Variants in WDPCP observed in about 807,000 individuals in gnomAD.
WDPCP encodes the protein WD repeat-containing and planar cell polarity effector protein fritz homolog.
In WDPCP, 71 loss-of-function variants were observed where a neutral mutation model predicts 93.1. That is an observed-to-expected ratio of 0.76 (90% confidence interval 0.63 to 0.93). The LOEUF (loss-of-function observed/expected upper bound fraction) is 0.93, where lower values mean the gene tolerates loss of function less well. Ranked by LOEUF, WDPCP falls within the 40% of genes least tolerant of loss-of-function variation. WDPCP has a pLI of 0.00. For synonymous variants in WDPCP, 315 were observed against 315.0 expected, an observed-to-expected ratio of 1.00 and a Z score of 0.00; for missense variants, 844 against 887.4, an observed-to-expected ratio of 0.95 and a Z score of 0.62.
At chr2:63,411,550 T>C (rs1695024782) in intron 9 of WDPCP, among the ~76,000 whole-genome samples, 1 of 151,854 alleles carries the variant, frequency 6.6e-6, no homozygotes, top group African/African-American at 2.4e-5. Context: ...CTAAATGAAA[T>C]TGAAACAAAC....
chr2:63,694,158 G>C (rs1558886007), intron 2 of WDPCP, among the ~76,000 whole-genome samples: 1 of 152,130 alleles, frequency 6.6e-6, no homozygotes. Context: ...TATAGAAAAA[G>C]AGTTAATCAG....
At chr2:63,536,773 C>CTTTTTTTTTTTTTTTT (rs58661370) in intron 1 of WDPCP, among the ~76,000 whole-genome samples, 1 of 93,636 alleles carries the variant, frequency 1.1e-5, no homozygotes, top group African/African-American at 4.5e-5. Flanking sequence ...ATTCTTCATG[C>CTTTTTTTTTTTTTTTT]TTTTTTTTTT....
intron 15 of WDPCP, among the ~76,000 whole-genome samples, chr2:63,174,224 T>A (rs915182477): frequency 6.6e-6 from 1 of 152,158 alleles, no homozygotes; most frequent in Admixed American, 6.5e-5. Flanking sequence ...TTATTCTTTA[T>A]CTTCTCAATA....
intron 11 of WDPCP, among the ~76,000 whole-genome samples, chr2:63,379,656 G>T (rs1692139144): frequency 6.6e-6 from 1 of 152,142 alleles, no homozygotes; most frequent in Non-Finnish European, 1.5e-5. Flanking sequence ...CACAGCTGTA[G>T]ATTCATTAGA....
At chr2:63,369,583 T>G (rs538751888) in intron 12 of WDPCP, 2 of 448,688 alleles carry the variant, frequency 4.5e-6, no homozygotes, top group Admixed American at 4.9e-5. Flanking sequence ...ACATCCCAAA[T>G]GAAAAAAATA....
chr2:63,378,565 CAA>C, intron 11 of WDPCP, 56 bp from the exon 12 acceptor site: 1 of 1,610,336 alleles, frequency 6.2e-7, no homozygotes, highest in Non-Finnish European at 8.5e-7. Flanking sequence ...TCAATTACAA[CAA>C]AATACTCATG....
chr2:63,533,093 A>G lies in WDPCP; in HGVS notation c.76-40153T>C, dbSNP rs148460548. Among the ~76,000 whole-genome samples, 4 of 152,322 alleles carry G rather than the reference A, an allele frequency of 2.6e-5. No individual in the cohort carries two copies. The East Asian group carries it at 7.7e-4, about 29-fold the overall frequency. On this transcript the variant is annotated intron_variant, in intron 1 of 17. Transcript: ENST00000272321. ...TGATAAAACAGACTTTAAGCCAACA[A>G]AGATCAAAAGAGACAAAGAAGGGCA...
intron 1 of WDPCP, among the ~76,000 whole-genome samples, chr2:63,570,334 T>C (rs1707385221): frequency 6.6e-6 from 1 of 152,192 alleles, no homozygotes; most frequent in South Asian, 2.1e-4. Flanking sequence ...CGCAGAGAAT[T>C]TTTATGAACT....
intron 12 of WDPCP, among the ~76,000 whole-genome samples, chr2:63,356,491 A>G (rs1690030272): frequency 6.6e-6 from 1 of 152,244 alleles, no homozygotes; most frequent in Admixed American, 6.5e-5. Flanking sequence ...TTTCATTGCC[A>G]TGTGGCACAT....
intron 1 of WDPCP, among the ~76,000 whole-genome samples, chr2:63,544,722 T>G (rs953619470): frequency 1.3e-5 from 2 of 152,132 alleles, no homozygotes; most frequent in African/African-American, 4.8e-5. Flanking sequence ...TTAAAAGCTG[T>G]ATATAAGGAA....
chr2:63,405,514 A>G (rs990804200), intron 9 of WDPCP, among the ~76,000 whole-genome samples: 6 of 149,448 alleles, frequency 4.0e-5, no homozygotes, highest in Non-Finnish European at 1.5e-5. Context: ...AAGGCTAAGT[A>G]TATGCAGATT....
chr2:63,828,628 C>T (rs934243293), upstream of WDPCP, among the ~76,000 whole-genome samples: 6 of 152,028 alleles, frequency 3.9e-5, no homozygotes, highest in African/African-American at 7.2e-5. Flanking sequence ...ATGCAGATGG[C>T]CCAAATATTT....
At chr2:63,759,256 T>C (rs1347753766) in intron 2 of WDPCP, among the ~76,000 whole-genome samples, 1 of 152,188 alleles carries the variant, frequency 6.6e-6, no homozygotes, top group African/African-American at 2.4e-5. Context: ...TTTGTAGTTT[T>C]TTAAAGGACT....
At chr2:63,548,062 T>TA (rs1031903919) in intron 1 of WDPCP, among the ~76,000 whole-genome samples, 1 of 151,956 alleles carries the variant, frequency 6.6e-6, no homozygotes, top group Non-Finnish European at 1.5e-5. Flanking sequence ...TATGCATCAA[T>TA]AAAAAATATT....
intron 2 of WDPCP, among the ~76,000 whole-genome samples, chr2:63,784,362 T>G (rs1386308943): frequency 6.6e-6 from 1 of 152,160 alleles, no homozygotes; most frequent in African/African-American, 2.4e-5. Flanking sequence ...TTAGGTCAGC[T>G]GGCATATGAA....
At chr2:63,321,963 C>T (rs1292086028) in intron 12 of WDPCP, among the ~76,000 whole-genome samples, 1 of 152,090 alleles carries the variant, frequency 6.6e-6, no homozygotes, top group East Asian at 1.9e-4. Context: ...ATGTATACAA[C>T]TTGATTAATT....
At position 63,378,344 on chromosome 2, in the gene WDPCP, A is replaced by T. The variant is rs763136632; in HGVS notation, c.1748+42T>A. 9.3e-6 allele frequency: 15 copies of T among 1,611,562 alleles called. No homozygotes were observed. In the South Asian group the frequency reaches 1.2e-4, roughly 13 times the overall value. On this transcript the variant is annotated intron_variant, in intron 12 of 17. Transcript: ENST00000272321. ...ATTAAAGAGGATGTCTCCTGAAATAAGTAATTAGTCTGACGCTAATCAATC... is the reference window on the plus strand; with the variant it reads ...ATTAAAGAGGATGTCTCCTGAAATATGTAATTAGTCTGACGCTAATCAATC...
intron 1 of WDPCP, among the ~76,000 whole-genome samples, chr2:63,573,793 A>G (rs1028277279): frequency 5.3e-5 from 8 of 152,212 alleles, no homozygotes; most frequent in Non-Finnish European, 8.8e-5. Flanking sequence ...TGGGAGAAAT[A>G]CCGCTGAATT....
intron 10 of WDPCP, among the ~76,000 whole-genome samples, chr2:63,400,370 T>C (rs894132144): frequency 4.6e-5 from 7 of 152,052 alleles, no homozygotes; most frequent in African/African-American, 1.4e-4. Context: ...TCCTGGACAA[T>C]AGGCAAAGAT....
Sources: allele counts gnomAD v4.1 joint callset (sites outside exome capture counted in the v4.1 genomes callset), GRCh38; gene constraint gnomAD v4.1.1; transcripts MANE v1.5; gene names NCBI Gene and HGNC (gene_info 2026-07-23, HGNC 2026-07-21).